Variants in MEGF11 observed in about 807,000 individuals in gnomAD.
MEGF11 encodes the protein multiple epidermal growth factor-like domains protein 11.
MEGF11 carries 126 observed loss-of-function variants against 146.6 expected under a neutral mutation model. The observed-to-expected ratio is 0.86, with a 90% confidence interval of 0.74 to 1.00. The LOEUF (loss-of-function observed/expected upper bound fraction) is 1.00. Ranked by LOEUF, MEGF11 falls within the 50% of genes least tolerant of loss-of-function variation. MEGF11 has a pLI of 0.00. For synonymous variants in MEGF11, 532 were observed against 583.4 expected (o/e 0.91, Z 1.27); for missense variants, 1,509 against 1,521.2 (o/e 0.99, Z 0.13).
intron 4 of MEGF11, among the ~76,000 whole-genome samples, chr15:66,110,069 T>TTGTACCAACCACCG (rs1295842775): frequency 6.6e-6 from 1 of 152,066 alleles, no homozygotes; most frequent in African/African-American, 2.4e-5. Flanking sequence ...TACAGAGTAC[T>TTGTACCAACCACCG]TGTACCAACC....
At position 66,153,521 on chromosome 15, in the gene MEGF11, C is replaced by T. The variant is rs184778020; in HGVS notation, c.-8-25110G>A. Among the ~76,000 whole-genome samples, 619 of 151,916 alleles carry T rather than the reference C, an allele frequency of 4.1e-3. 2 individuals are homozygous for T. The highest frequency in any genetic ancestry group is 5.0e-3 in the Admixed American group (77 of 15,262). Reference sequence around the variant, plus strand: ...CAGGGAGGCAGAGGTTGCAGTGAGCCGAGATCATGCCACTGCACTCCAACC... The same window carrying T: ...CAGGGAGGCAGAGGTTGCAGTGAGCTGAGATCATGCCACTGCACTCCAACC... On this transcript the variant is annotated intron_variant, in intron 1 of 25. Coordinates refer to ENST00000395614, the MANE Select transcript of MEGF11 (RefSeq NM_001385028.1).
intron 1 of MEGF11, among the ~76,000 whole-genome samples, chr15:66,167,569 C>T (rs2090130911): frequency 1.3e-5 from 2 of 152,066 alleles, no homozygotes; most frequent in South Asian, 2.1e-4. Flanking sequence ...CGCTTGAACC[C>T]GGGAGGCAGA....
At chr15:65,999,530 G>A (rs1223652890) in intron 5 of MEGF11, among the ~76,000 whole-genome samples, 1 of 152,102 alleles carries the variant, frequency 6.6e-6, no homozygotes, top group Non-Finnish European at 1.5e-5. Flanking sequence ...AGGCCCCTGA[G>A]CTTTGGAATC....
chr15:65,942,947 C>CAAAACA (rs2080053586), intron 10 of MEGF11, among the ~76,000 whole-genome samples: 1 of 111,402 alleles, frequency 9.0e-6, no homozygotes, highest in South Asian at 3.1e-4. Context: ...CAAAACAAAA[C>CAAAACA]AAAACAAAAA....
chr15:65,987,533 A>T (rs1364541397), intron 5 of MEGF11, among the ~76,000 whole-genome samples: 1 of 152,048 alleles, frequency 6.6e-6, no homozygotes, highest in Non-Finnish European at 1.5e-5. Context: ...TTCCATTTTA[A>T]TCATTTTTAA....
At chr15:66,047,513 A>C (rs1567217086) in intron 5 of MEGF11, among the ~76,000 whole-genome samples, 4 of 152,264 alleles carry the variant, frequency 2.6e-5, no homozygotes, top group Non-Finnish European at 5.9e-5. Flanking sequence ...GGGAATAATA[A>C]ACACGAACTC....
chr15:66,239,193 G>T (rs192581297), intron 1 of MEGF11, among the ~76,000 whole-genome samples: 111 of 152,316 alleles, frequency 7.3e-4, no homozygotes, highest in African/African-American at 2.5e-3. Flanking sequence ...TGTCATGGGG[G>T]ACTCAGCCTC....
intron 1 of MEGF11, among the ~76,000 whole-genome samples, chr15:66,138,547 C>T (rs56891318): frequency 0.038 from 5,744 of 152,188 alleles, 151 homozygotes; most frequent in South Asian, 0.074. Flanking sequence ...GCTTGCAGCC[C>T]GGTCGGGTCA....
chr15:66,149,613 G>A (rs1174976570), intron 1 of MEGF11, among the ~76,000 whole-genome samples: 1 of 152,044 alleles, frequency 6.6e-6, no homozygotes, highest in Non-Finnish European at 1.5e-5. Flanking sequence ...TCAGCATCAC[G>A]CAGAATACAA....
intron 10 of MEGF11, among the ~76,000 whole-genome samples, chr15:65,940,914 A>T: frequency 6.6e-6 from 1 of 152,236 alleles, no homozygotes; most frequent in South Asian, 2.1e-4. Context: ...TGCACTGCAC[A>T]AATCTAGAGG....
chr15:65,922,949 A>T lies in MEGF11; in HGVS notation c.1696T>A (p.Cys566Ser), dbSNP rs2079228331. 1 of 1,612,926 alleles carries T rather than the reference A, an allele frequency of 6.2e-7. No homozygotes were observed. Among genetic ancestry groups the T allele is most frequent in the Admixed American group, 1.7e-5 (1 of 59,888 alleles). Reference sequence around the variant, plus strand: ...TTGGGGCCCCAGCGGCCAGGTGGACACGTGCTGTCACAGCGGATGCCTGTG... The same window carrying T: ...TTGGGGCCCCAGCGGCCAGGTGGACTCGTGCTGTCACAGCGGATGCCTGTG... The part of the protein sequence containing the change: ...GWTGIRCDST[C>S]PPGRWGPNCS... Residue 566 changes from cysteine (C) to serine (S), a missense_variant, in exon 14 of 26, where the codon TGT becomes AGT. By Grantham distance (112) the Cys-to-Ser change is moderately radical. Coordinates refer to ENST00000395614, the MANE Select transcript of MEGF11 (RefSeq NM_001385028.1).
chr15:66,107,441 C>T (rs1024002671), intron 4 of MEGF11, among the ~76,000 whole-genome samples: 3 of 152,318 alleles, frequency 2.0e-5, no homozygotes, highest in Admixed American at 1.3e-4. Flanking sequence ...GGAGGCACTG[C>T]ATGAGGAGCT....
chr15:66,200,258 C>T (rs553926807), intron 1 of MEGF11, among the ~76,000 whole-genome samples: 11 of 152,330 alleles, frequency 7.2e-5, no homozygotes, highest in Non-Finnish European at 1.3e-4. Flanking sequence ...CTACTTTATA[C>T]GTTTCTGGGT....
intron 5 of MEGF11, among the ~76,000 whole-genome samples, chr15:66,086,088 G>T (rs1168008023): frequency 6.6e-6 from 1 of 151,880 alleles, no homozygotes; most frequent in Non-Finnish European, 1.5e-5. Context: ...CAAGGTCTTT[G>T]AATTAACCCA....
chr15:66,033,709 C>T (rs889172035), intron 5 of MEGF11, among the ~76,000 whole-genome samples: 2 of 152,274 alleles, frequency 1.3e-5, no homozygotes, highest in African/African-American at 2.4e-5. Context: ...GACTGCAAGA[C>T]ACGGAGTCAA....
chr15:66,154,666 G>A (rs576177186), intron 1 of MEGF11, among the ~76,000 whole-genome samples: 19 of 152,358 alleles, frequency 1.2e-4, no homozygotes, highest in South Asian at 4.1e-4. Flanking sequence ...CTAAAATGCC[G>A]TCTGTCTGTT....
chr15:65,904,519 C>T (rs1321822712), intron 24 of MEGF11, among the ~76,000 whole-genome samples: 2 of 152,194 alleles, frequency 1.3e-5, no homozygotes, highest in Non-Finnish European at 2.9e-5. Flanking sequence ...GTTCAGAATG[C>T]AGTACTTACC....
chr15:66,031,666 C>T (rs2083525537), intron 5 of MEGF11, among the ~76,000 whole-genome samples: 1 of 152,152 alleles, frequency 6.6e-6, no homozygotes, highest in Non-Finnish European at 1.5e-5. Flanking sequence ...CACATTCTGC[C>T]ACCAATTCAG....
chr15:65,913,416 C>T (rs1294158951), intron 20 of MEGF11: 10 of 457,676 alleles, frequency 2.2e-5, no homozygotes, highest in Non-Finnish European at 4.0e-5. Flanking sequence ...GGGAGACAGT[C>T]CTCTGGAGAG....
Sources: gnomAD v4.1 joint callset for allele counts (sites outside exome capture counted in the v4.1 genomes callset) on GRCh38, gnomAD v4.1.1 for gene constraint, MANE v1.5 for transcripts, NCBI Gene and HGNC (gene_info 2026-07-23, HGNC 2026-07-21) for gene names.